Variants in EIF4G3 observed in about 807,000 individuals in gnomAD.
EIF4G3 encodes eIF-4-gamma 3.
EIF4G3 carries 34 observed loss-of-function variants against 186.4 expected under a neutral mutation model. The ratio of observed to expected loss-of-function variants is 0.18; its 90% CI spans 0.14 to 0.24. EIF4G3 has a LOEUF of 0.24. Among genes scored for constraint, EIF4G3 ranks in the 10% least tolerant of loss-of-function variants. The pLI is 1.00. For synonymous variants in EIF4G3, 673 were observed against 679.5 expected, an observed-to-expected ratio of 0.99 and a Z score of 0.15; for missense variants, 1,536 against 1,948.5, an observed-to-expected ratio of 0.79 and a Z score of 3.99.
At chr1:20,926,378 T>A (rs906562065) in intron 14 of EIF4G3, among the ~76,000 whole-genome samples, 1 of 152,202 alleles carries the variant, frequency 6.6e-6, no homozygotes, top group East Asian at 1.9e-4. Flanking sequence ...CAATGATAGC[T>A]ACTATTATTA....
At chr1:21,019,708 C>T (rs1438122768) in intron 4 of EIF4G3, among the ~76,000 whole-genome samples, 2 of 152,062 alleles carry the variant, frequency 1.3e-5, no homozygotes, top group Admixed American at 6.6e-5. Context: ...CATGGTGAAA[C>T]CCTGTCTCTA....
chr1:21,055,578 C>T (rs2094524676), intron 3 of EIF4G3, among the ~76,000 whole-genome samples: 1 of 151,998 alleles, frequency 6.6e-6, no homozygotes, highest in South Asian at 2.1e-4. Context: ...TACTATCTTC[C>T]CAGGATTACA....
intron 4 of EIF4G3, among the ~76,000 whole-genome samples, chr1:21,005,492 T>C (rs2084803471): frequency 6.6e-6 from 1 of 152,306 alleles, no homozygotes; most frequent in East Asian, 1.9e-4. Flanking sequence ...GAACACTTTG[T>C]TCTCTCATAG....
chr1:20,977,766 C>CA (rs1444223798), intron 10 of EIF4G3, among the ~76,000 whole-genome samples: 1 of 151,962 alleles, frequency 6.6e-6, no homozygotes, highest in Non-Finnish European at 1.5e-5. Flanking sequence ...GAAATAAAGC[C>CA]AAAATGTTAT....
chr1:21,105,997 T>G (rs1336279324), intron 2 of EIF4G3, among the ~76,000 whole-genome samples: 2 of 151,538 alleles, frequency 1.3e-5, no homozygotes, highest in Non-Finnish European at 2.9e-5. Context: ...AGCCAAGGAG[T>G]TCAAGGTTAC....
chr1:21,089,638 C>T (rs2096114515), intron 2 of EIF4G3, among the ~76,000 whole-genome samples: 1 of 151,814 alleles, frequency 6.6e-6, no homozygotes, highest in Non-Finnish European at 1.5e-5. Flanking sequence ...CTCATCTCTA[C>T]TAAATTAGCC....
At chr1:20,926,465 A>G (rs1319215248) in intron 14 of EIF4G3, among the ~76,000 whole-genome samples, 1 of 152,204 alleles carries the variant, frequency 6.6e-6, no homozygotes, top group Non-Finnish European at 1.5e-5. Flanking sequence ...GGACTGCTTG[A>G]GGCCAGGAGT....
intron 30 of EIF4G3, among the ~76,000 whole-genome samples, chr1:20,834,790 G>A (rs1015197094): frequency 6.6e-6 from 1 of 152,186 alleles, no homozygotes; most frequent in African/African-American, 2.4e-5. Context: ...AAGAGCAGGG[G>A]ACCTCAATAC....
intron 2 of EIF4G3, among the ~76,000 whole-genome samples, chr1:21,108,733 G>A (rs1317717966): frequency 2.6e-5 from 4 of 151,304 alleles, no homozygotes; most frequent in South Asian, 2.1e-4. Flanking sequence ...GCAAAACCCC[G>A]TCTCTACTAA....
At chr1:21,075,792 T>C (rs2095573122) in intron 3 of EIF4G3, among the ~76,000 whole-genome samples, 1 of 151,922 alleles carries the variant, frequency 6.6e-6, no homozygotes, top group Admixed American at 6.6e-5. Flanking sequence ...CAATTATAAA[T>C]ACATATGCAC....
rs977004457 is a variant in EIF4G3, at chr1:21,158,521, T to C, written c.-272+17654A>G. ...AAAGGGGTTATTTTTAAAGTGCTTA[T>C]GAACTGTAACTTATGATAACCAAAT... On this transcript the variant is annotated intron_variant, in intron 2 of 36. Coordinates refer to ENST00000602326, the MANE Select transcript of EIF4G3 (RefSeq NM_001391906.1). Among the ~76,000 whole-genome samples, 4 of 152,152 alleles carry C rather than the reference T, an allele frequency of 2.6e-5. No individual in the cohort carries two copies. The East Asian group carries it at 5.8e-4, about 22-fold the overall frequency.
intron 14 of EIF4G3, among the ~76,000 whole-genome samples, chr1:20,914,098 A>G (rs1266983385): frequency 6.7e-6 from 1 of 148,792 alleles, no homozygotes; most frequent in Non-Finnish European, 1.5e-5. Context: ...ATGAGCCACC[A>G]CGCCCTGCCT....
At chr1:20,905,184 T>C (rs1193527432) in intron 14 of EIF4G3, among the ~76,000 whole-genome samples, 1 of 152,216 alleles carries the variant, frequency 6.6e-6, no homozygotes, top group African/African-American at 2.4e-5. Context: ...TTCTAACCAG[T>C]GGCCTGCGTT....
At chr1:21,080,774 C>T (rs147202062) in intron 3 of EIF4G3, among the ~76,000 whole-genome samples, 3,723 of 152,260 alleles carry the variant, frequency 0.024, 67 homozygotes, top group Non-Finnish European at 0.037. Context: ...TCCCAAAGTG[C>T]TGGGATTACA....
intron 33 of EIF4G3, 83 bp from the exon 34 acceptor site, chr1:20,817,621 G>T: frequency 1.2e-6 from 1 of 810,680 alleles, no homozygotes; most frequent in Non-Finnish European, 1.7e-6. Context: ...AAAGTCATAG[G>T]TTACGTCTTC....
intron 15 of EIF4G3, among the ~76,000 whole-genome samples, chr1:20,901,028 A>G (rs1317175112): frequency 3.3e-5 from 5 of 152,182 alleles, no homozygotes; most frequent in Non-Finnish European, 7.4e-5. Flanking sequence ...AATGTTATCA[A>G]CAGAAACAGA....
Position 20,895,359 on chromosome 1 carries a change from G to A in EIF4G3, c.2133+9C>T, listed in dbSNP as rs376372210. 276 of 1,610,372 alleles carry A rather than the reference G, an allele frequency of 1.7e-4. 1 individual carries two copies. In the African/African-American group the frequency reaches 3.2e-3, roughly 18 times the overall value. On this transcript the variant is annotated intron_variant, in intron 17 of 36. Coordinates refer to ENST00000602326, the MANE Select transcript of EIF4G3 (RefSeq NM_001391906.1). Reference sequence around the variant, plus strand: ...AAAAGAACTAGTTTTCTCTGAGTACGCAGCTTACCTTGTCAAGAACCACAT... The same window carrying A: ...AAAAGAACTAGTTTTCTCTGAGTACACAGCTTACCTTGTCAAGAACCACAT...
chr1:21,089,063 A>C (rs1481293976), intron 3 of EIF4G3, 75 bp downstream of exon 3: 1 of 677,310 alleles, frequency 1.5e-6, no homozygotes, highest in Admixed American at 2.4e-5. Context: ...CAATCAAACA[A>C]ACACTGCCTA....
At chr1:21,034,202 T>A (rs774408969) in intron 4 of EIF4G3, among the ~76,000 whole-genome samples, 6 of 152,186 alleles carry the variant, frequency 3.9e-5, no homozygotes, top group African/African-American at 1.4e-4. Context: ...TATTTCTGAA[T>A]GGGATCTCTT....
Sources: allele counts gnomAD v4.1 joint callset (sites outside exome capture counted in the v4.1 genomes callset), GRCh38; gene constraint gnomAD v4.1.1; transcripts MANE v1.5; gene names NCBI Gene and HGNC (gene_info 2026-07-23, HGNC 2026-07-21).